MACF1: variants seen among roughly 807,000 people sequenced by gnomAD.
MACF1 encodes microtubule-actin cross-linking factor 1.
In MACF1, 193 loss-of-function variants were observed where a neutral mutation model predicts 854.8. The ratio of observed to expected loss-of-function variants is 0.23; its 90% confidence interval spans 0.20 to 0.25. The LOEUF (loss-of-function observed/expected upper bound fraction) is 0.25. MACF1 is among the 10% of genes least tolerant of loss of function. The pLI, the probability that MACF1 is intolerant of heterozygous loss-of-function variation, is 1.00. For missense variants in MACF1, 7,722 were observed against 8,929.1 expected (o/e 0.86, Z 5.45); for synonymous variants, 3,185 against 3,226.7 (o/e 0.99, Z 0.44).
chr1:39,170,962 A>C (rs749365285), intron 2 of MACF1, among the ~76,000 whole-genome samples: 1 of 152,084 alleles, frequency 6.6e-6, no homozygotes, highest in East Asian at 1.9e-4. Context: ...TAGCACACAC[A>C]CCTGCTGTTC....
At chr1:39,151,337 T>C (rs1348223992) in intron 2 of MACF1, among the ~76,000 whole-genome samples, 1 of 152,244 alleles carries the variant, frequency 6.6e-6, no homozygotes, top group Non-Finnish European at 1.5e-5. Context: ...TATAGTGTCC[T>C]AATTGGTTTC....
intron 58 of MACF1, chr1:39,412,014 A>G: frequency 1.9e-6 from 3 of 1,613,982 alleles, no homozygotes; most frequent in East Asian, 2.2e-5. Flanking sequence ...GGACTGCAGA[A>G]TTTAAGTCCA....
chr1:39,295,164 G>C lies in MACF1; in HGVS notation c.2259+14G>C, dbSNP rs2148404783. 6.3e-7 allele frequency: 1 copy of C among 1,599,100 alleles called. No individual in the cohort carries two copies. The highest frequency in any genetic ancestry group is 8.6e-7 in the Non-Finnish European group (1 of 1,166,432). ...CAGACAGTGGAGGTGTGTGACTTGA[G>C]AATGTGTGAAGGTCAAATGCTGAGA... On this transcript the variant is annotated intron_variant, in intron 19 of 100. Coordinates refer to ENST00000564288, the MANE Select transcript of MACF1 (RefSeq NM_001394062.1).
chr1:39,202,753 T>G (rs1444867598), upstream of MACF1, among the ~76,000 whole-genome samples: 1 of 152,228 alleles, frequency 6.6e-6, no homozygotes, highest in Non-Finnish European at 1.5e-5. Context: ...TTTATATTTC[T>G]TTTCTTTCTT....
intron 58 of MACF1, among the ~76,000 whole-genome samples, chr1:39,419,230 G>A (rs1239703072): frequency 1.3e-5 from 2 of 152,246 alleles, no homozygotes; most frequent in Non-Finnish European, 2.9e-5. Context: ...TAACTTATGA[G>A]AAATGATACA....
chr1:39,358,813 C>G lies in MACF1; in HGVS notation c.12060C>G (p.Leu4020=), dbSNP rs145792948. 6.2e-7 allele frequency: 1 copy of G among 1,613,648 alleles called. No homozygotes were observed. Among genetic ancestry groups the G allele is most frequent in the South Asian group, 1.1e-5 (1 of 91,060 alleles). ...CTTGTGAGGCCAACGTGGAGAAGCT[C>G]CTCTCAGATACTGTTGCCTCTGACC... ...MQACEANVEK[L]LSDTVASDPG... Residue 4020 remains leucine (L), a synonymous_variant, in exon 46 of 101, where the codon CTC becomes CTG. Transcript: ENST00000564288.
At chr1:39,150,212 G>T (rs1643550339) in intron 2 of MACF1, among the ~76,000 whole-genome samples, 1 of 152,060 alleles carries the variant, frequency 6.6e-6, no homozygotes, top group South Asian at 2.1e-4. Flanking sequence ...TAGAGATGGG[G>T]TTTTGCCATG....
intron 2 of MACF1, among the ~76,000 whole-genome samples, chr1:39,140,315 G>A (rs997768255): frequency 6.6e-6 from 1 of 152,080 alleles, no homozygotes; most frequent in African/African-American, 2.4e-5. Context: ...GCTATCTTAC[G>A]ATTCTTATCA....
At chr1:39,139,828 G>GTAT (rs1321875870) in intron 2 of MACF1, among the ~76,000 whole-genome samples, 1 of 152,026 alleles carries the variant, frequency 6.6e-6, no homozygotes, top group African/African-American at 2.4e-5. Flanking sequence ...GTTTTCACAT[G>GTAT]TATTAGCTCA....
intron 52 of MACF1, among the ~76,000 whole-genome samples, chr1:39,377,679 AG>A (rs1649842366): frequency 6.6e-6 from 1 of 152,180 alleles, no homozygotes; most frequent in Admixed American, 6.5e-5. Context: ...CAATATAAGA[AG>A]GGCTCATTTT....
intron 80 of MACF1, among the ~76,000 whole-genome samples, chr1:39,445,346 T>C (rs1644203986): frequency 6.6e-6 from 1 of 152,212 alleles, no homozygotes; most frequent in Non-Finnish European, 1.5e-5. Flanking sequence ...TCAAGGTGTT[T>C]GCCCAAAAAG....
intron 97 of MACF1, among the ~76,000 whole-genome samples, chr1:39,472,702 G>T (rs1210879351): frequency 1.3e-5 from 2 of 152,004 alleles, no homozygotes; most frequent in African/African-American, 4.8e-5. Flanking sequence ...ATTATTCATT[G>T]GTCTCTTGAC....
intron 2 of MACF1, among the ~76,000 whole-genome samples, chr1:39,128,874 C>A (rs1642927988): frequency 6.6e-6 from 1 of 152,162 alleles, no homozygotes; most frequent in Admixed American, 6.6e-5. Flanking sequence ...TTAATTTCTA[C>A]CACTCATTTG....
In MACF1 at chr1:39,359,245, G is replaced by T; in HGVS notation, c.12225G>T (p.Arg4075Ser). Residue 4075 changes from arginine (R) to serine (S), a missense_variant, in exon 47 of 101, where the codon AGG (arginine) becomes AGT (serine). Transcript: ENST00000564288. ...AAGGGGAGCCAGCCCCAGACCACAG[G>T]CATGTTCAAGAAACTACAGGTATAA... ...EIEGEPAPDH[R>S]HVQETTDSIL... 3 of 1,614,056 alleles carry T rather than the reference G, an allele frequency of 1.9e-6. No individual in the cohort carries two copies. Among genetic ancestry groups the T allele is most frequent in the Non-Finnish European group, 1.7e-6 (2 of 1,180,020 alleles).
intron 58 of MACF1, among the ~76,000 whole-genome samples, chr1:39,399,060 A>G (rs1642376938): frequency 6.6e-6 from 1 of 152,204 alleles, no homozygotes; most frequent in African/African-American, 2.4e-5. Flanking sequence ...GACATAAATT[A>G]TGCTATAGCC....
chr1:39,395,275 G>T (rs616213), intron 58 of MACF1, among the ~76,000 whole-genome samples: 4 of 152,172 alleles, frequency 2.6e-5, no homozygotes, highest in Non-Finnish European at 4.4e-5. Flanking sequence ...GAGAACTATA[G>T]CCCTGGAAGA....
chr1:39,110,910 C>A (rs1002427955), intron 2 of MACF1, among the ~76,000 whole-genome samples: 1 of 152,186 alleles, frequency 6.6e-6, no homozygotes, highest in African/African-American at 2.4e-5. Context: ...AGAACAGAAA[C>A]ATCCCAAGAT....
rs982251768 is a variant in MACF1, at chr1:39,322,940, T to C, written c.4168T>C (p.Leu1390=). The part of the protein sequence containing the change: ...FMDLRTRYTA[L]VTLTTQHVKY... ...GGACTTAAGGACTCGCTACACGGCA[T>C]TGGTGACTTTAACAACTCAGCACGT... The change falls in exon 33 of 101, where the codon TTG becomes CTG. Residue 1390 remains leucine (L), a synonymous_variant. Transcript: ENST00000564288. The C allele has an allele frequency of 1.7e-5, 27 of 1,614,028 alleles. No homozygotes were observed. The highest frequency in any genetic ancestry group is 2.2e-5 in the Non-Finnish European group (26 of 1,179,992).
At chr1:39,355,500 C>T (rs1647474588) in intron 44 of MACF1, among the ~76,000 whole-genome samples, 1 of 119,488 alleles carries the variant, frequency 8.4e-6, no homozygotes, top group Non-Finnish European at 1.6e-5. Flanking sequence ...CGGAGTCTCA[C>T]TCTGTCACCA....
Sources: allele counts gnomAD v4.1 joint callset (sites outside exome capture counted in the v4.1 genomes callset), GRCh38; gene constraint gnomAD v4.1.1; transcripts MANE v1.5; gene names NCBI Gene and HGNC (gene_info 2026-07-23, HGNC 2026-07-21).